Variants in TEDC1 observed in about 807,000 individuals in gnomAD.
TEDC1 encodes the protein tubulin epsilon and delta complex protein 1.
TEDC1 carries 54 observed loss-of-function variants against 59.9 expected under a neutral mutation model. The ratio of observed to expected loss-of-function variants is 0.90; its 90% CI spans 0.72 to 1.13. The LOEUF is 1.13. TEDC1 is among the 50% of genes most tolerant of loss of function. The pLI, the probability that TEDC1 is intolerant of heterozygous loss-of-function variation, is 0.00. For synonymous variants in TEDC1, 353 were observed against 298.1 expected (o/e 1.18, Z -1.90); for missense variants, 734 against 683.4 (o/e 1.07, Z -0.83).
intron 5 of TEDC1, 80 bp from the exon 6 acceptor site, chr14:105,495,800 A>T: frequency 8.5e-7 from 1 of 1,175,482 alleles, no homozygotes; most frequent in Non-Finnish European, 1.2e-6. Flanking sequence ...GGGGGCCTGG[A>T]AGTGAGGCCC....
intron 4 of TEDC1, among the ~76,000 whole-genome samples, chr14:105,492,987 C>T (rs1387018258): frequency 6.6e-6 from 1 of 152,148 alleles, no homozygotes; most frequent in Admixed American, 6.5e-5. Flanking sequence ...CAGAATTTGC[C>T]TTTCTGTTCC....
At chr14:105,492,062 C>T (rs1555439501) in intron 2 of TEDC1, 45 bp from the exon 3 acceptor site, 1 of 1,546,196 alleles carries the variant, frequency 6.5e-7, no homozygotes, top group Non-Finnish European at 8.7e-7. Context: ...GGTGGTGTCA[C>T]CTCCAGGTGG....
Position 105,491,329 on chromosome 14 carries a change from G to A in TEDC1, c.-47G>A, listed in dbSNP as rs1452652512. ...CGTGCGGTGATTGGACGCAGGCCCCGGGCCGCGGCGGAGGCGGGCGATCCG... is the reference window on the plus strand; with the variant it reads ...CGTGCGGTGATTGGACGCAGGCCCCAGGCCGCGGCGGAGGCGGGCGATCCG... On this transcript the variant is annotated 5_prime_UTR_variant, in exon 1 of 9. Coordinates refer to ENST00000392523, the MANE Select transcript of TEDC1 (RefSeq NM_001367178.1). The A allele has an allele frequency of 1.4e-6, 2 of 1,467,192 alleles. No homozygotes were observed. The highest frequency in any genetic ancestry group is 1.8e-6 in the Non-Finnish European group (2 of 1,113,786). 90.9% of individuals were successfully genotyped at this position (1,467,192 alleles called of 1,614,324 possible).
Position 105,492,574 on chromosome 14 carries a change from TC to T in TEDC1, c.430-3del. On this transcript the variant is annotated splice_polypyrimidine_tract_variant and splice_region_variant and intron_variant, in intron 3 of 8. Coordinates refer to ENST00000392523, the MANE Select transcript of TEDC1 (RefSeq NM_001367178.1). ...GAGCAGGGCCTGACCCTTGCCCCTC[TC>T]CAGTGTGAGGCCCTGGCCAGCCCTG... 6.5e-7 allele frequency: 1 copy of T among 1,537,370 alleles called. No homozygotes were observed.
At chr14:105,492,859 C>A in intron 4 of TEDC1, 125 bp downstream of exon 4, 1 of 1,313,052 alleles carries the variant, frequency 7.6e-7, no homozygotes, top group Non-Finnish European at 1.0e-6. Flanking sequence ...GGCCTTCCTG[C>A]CCTGGCTTAC....
At chr14:105,490,977 A>C (rs1555439096), upstream of TEDC1, 6 of 1,501,302 alleles carry the variant, frequency 4.0e-6, no homozygotes, top group Non-Finnish European at 5.4e-6. Flanking sequence ...CTCCATATCA[A>C]CAGCCCTGCC....
intron 6 of TEDC1, 95 bp from the exon 7 acceptor site, chr14:105,497,262 G>A: frequency 8.0e-7 from 1 of 1,243,658 alleles, no homozygotes. Context: ...GCTAGGCGTT[G>A]GGCCGGGTGT....
intron 8 of TEDC1, among the ~76,000 whole-genome samples, chr14:105,498,344 C>T (rs1391545008): frequency 1.3e-5 from 2 of 152,230 alleles, no homozygotes; most frequent in African/African-American, 4.8e-5. Context: ...GGGCCTCCAC[C>T]CTAGACTCAG....
In TEDC1 at chr14:105,493,926, G is replaced by C; in HGVS notation, c.677G>C (p.Gly226Ala). 2.8e-6 allele frequency: 4 copies of C among 1,433,452 alleles called. No individual in the cohort carries two copies. Among genetic ancestry groups the C allele is most frequent in the Non-Finnish European group, 3.7e-6 (4 of 1,070,356 alleles). 88.8% of individuals were successfully genotyped at this position (1,433,452 alleles called of 1,614,324 possible). The change falls in exon 5 of 9, where the codon GGC becomes GCC. Residue 226 changes from glycine to alanine, a missense_variant. By Grantham distance (60) the Gly-to-Ala change is moderately conservative (BLOSUM62 0). Transcript: ENST00000392523. Reference protein sequence around the residue: ...EAEMLRDPEGGQQVSGAGAAQ... With the variant: ...EAEMLRDPEGAQQVSGAGAAQ... ...GAGATGCTCAGGGACCCAGAGGGAGGCCAGCAGGTGAGGGCGGGCAAGCTG... is the reference window on the plus strand; with the variant it reads ...GAGATGCTCAGGGACCCAGAGGGAGCCCAGCAGGTGAGGGCGGGCAAGCTG...
chr14:105,493,196 C>T (rs2084256818), intron 4 of TEDC1, among the ~76,000 whole-genome samples: 1 of 152,080 alleles, frequency 6.6e-6, no homozygotes, highest in Admixed American at 6.5e-5. Context: ...CACAGGTACC[C>T]AGTGGTGTGT....
intron 5 of TEDC1, chr14:105,494,220 C>T (rs2084290480): frequency 3.9e-6 from 2 of 508,558 alleles, no homozygotes; most frequent in Non-Finnish European, 7.2e-6. Context: ...TGGCTAAGGG[C>T]AGGCTGTTGG....
At chr14:105,498,022 G>C in intron 8 of TEDC1, 45 bp downstream of exon 8, 1 of 1,459,824 alleles carries the variant, frequency 6.9e-7, no homozygotes, top group Non-Finnish European at 9.1e-7. Context: ...CCCCACCTTC[G>C]GGGGATGGCT....
rs1555439321 is a variant in TEDC1, at chr14:105,491,632, T to C, written c.158T>C (p.Leu53Pro). ...KFDRPEATSA[L>P]WQLLFRVLSP... The stretch of plus-strand genomic sequence containing the variant: ...TTTTATTTTCCGCAGACCTCCGCGC[T>C]CTGGCAGCTCCTCTTCCGTGTGCTC... The change falls in exon 2 of 9, where the codon CTC (leucine) becomes CCC (proline). Residue 53 changes from leucine (L) to proline (P), a missense_variant. Transcript: ENST00000392523. 6.5e-7 allele frequency: 1 copy of C among 1,549,598 alleles called. No individual in the cohort carries two copies. Among genetic ancestry groups the C allele is most frequent in the Admixed American group, 2.0e-5 (1 of 50,976 alleles).
upstream of TEDC1, chr14:105,490,067 G>C (rs1595466971): frequency 6.6e-6 from 1 of 152,338 alleles, no homozygotes; most frequent in East Asian, 1.9e-4. Flanking sequence ...TCCTCCTACT[G>C]GCGCCGTGAA....
intron 7 of TEDC1, 164 bp downstream of exon 7, chr14:105,497,607 C>T (rs4983426): frequency 0.72 from 788,333 of 1,093,666 alleles, 291,397 homozygotes; most frequent in Admixed American, 0.78. Context: ...TCTGGGGAGG[C>T]TCACTGCTGC....
upstream of TEDC1, chr14:105,490,040 C>G (rs2084173154): frequency 6.6e-6 from 1 of 152,074 alleles, no homozygotes; most frequent in Admixed American, 6.5e-5. Flanking sequence ...CCCGCGTGGG[C>G]GGGGTGAGGA....
intron 4 of TEDC1, 97 bp from the exon 5 acceptor site, chr14:105,493,737 TG>T: frequency 1.3e-6 from 1 of 793,372 alleles, no homozygotes; most frequent in Non-Finnish European, 2.1e-6. Context: ...ATCTGGGAGG[TG>T]GGCTCTGATG....
chr14:105,497,170 C>A lies in TEDC1; in HGVS notation c.892-187C>A, dbSNP rs1567076022. The A allele has an allele frequency of 4.5e-6, 3 of 670,932 alleles. No individual in the cohort carries two copies. The East Asian group carries it at 8.2e-5, about 18-fold the overall frequency. 41.6% of individuals were successfully genotyped at this position (670,932 alleles called of 1,614,324 possible). A position where few individuals can be genotyped will look rare whatever the true frequency, so the allele number is the denominator to read the frequency against. Reference sequence around the variant, plus strand: ...AAGGACAGGTGGGCTGTGGCGTCCGCACCACACCAGGGTGCCCTGCTCATC... The same window carrying A: ...AAGGACAGGTGGGCTGTGGCGTCCGAACCACACCAGGGTGCCCTGCTCATC... On this transcript the variant is annotated intron_variant, in intron 6 of 8. Coordinates refer to ENST00000392523, the MANE Select transcript of TEDC1 (RefSeq NM_001367178.1).
At chr14:105,496,794 G>C (rs1172104796) in intron 6 of TEDC1, 1 of 162,194 alleles carries the variant, frequency 6.2e-6, no homozygotes, top group East Asian at 1.9e-4. Context: ...GGAATGTCAA[G>C]TGTGGCTCAG....
Sources: gnomAD v4.1 joint callset for allele counts (sites outside exome capture counted in the v4.1 genomes callset) on GRCh38, gnomAD v4.1.1 for gene constraint, MANE v1.5 for transcripts, NCBI Gene and HGNC (gene_info 2026-07-23, HGNC 2026-07-21) for gene names.